ZDHHC17: variants seen among roughly 807,000 people sequenced by gnomAD.
ZDHHC17 encodes the protein palmitoyltransferase ZDHHC17.
Under a neutral mutation model 90.3 loss-of-function variants are expected in ZDHHC17, and 40 were observed. That is an observed-to-expected ratio of 0.44 (90% CI 0.34 to 0.58). The LOEUF is 0.58. Ranked by LOEUF, ZDHHC17 falls within the 20% of genes least tolerant of loss-of-function variation. The pLI, the probability that ZDHHC17 is intolerant of heterozygous loss-of-function variation, is 0.01. For missense variants in ZDHHC17, 614 were observed against 780.8 expected (o/e 0.79, Z 2.55); for synonymous variants, 235 against 252.4 (o/e 0.93, Z 0.65).
rs189783312 is a variant in ZDHHC17, at chr12:76,816,813, G to A, written c.771+794G>A. Among the ~76,000 whole-genome samples, 100 of 152,098 alleles carry A rather than the reference G, an allele frequency of 6.6e-4. 1 individual carries two copies. The highest frequency in any genetic ancestry group is 2.1e-3 in the African/African-American group (87 of 41,532). On this transcript the variant is annotated intron_variant, in intron 7 of 16. Transcript: ENST00000426126. Reference sequence around the variant, plus strand: ...AGGCTAGTTTTATGGAGCATAATTTGTTAAGCTTATCAATTTTTAGAAATA... The same window carrying A: ...AGGCTAGTTTTATGGAGCATAATTTATTAAGCTTATCAATTTTTAGAAATA...
chr12:76,848,087 A>G, intron 14 of ZDHHC17, 146 bp from the exon 15 acceptor site: 1 of 713,498 alleles, frequency 1.4e-6, no homozygotes, highest in Non-Finnish European at 2.2e-6. Context: ...AGGGTTATTT[A>G]AGAGTATAAA....
At chr12:76,791,673 T>G (rs1234721418) in intron 1 of ZDHHC17, among the ~76,000 whole-genome samples, 1 of 152,134 alleles carries the variant, frequency 6.6e-6, no homozygotes, top group Non-Finnish European at 1.5e-5. Context: ...ATACTATACA[T>G]CTGGGATTAG....
At chr12:76,836,295 T>C (rs894961794) in intron 10 of ZDHHC17, among the ~76,000 whole-genome samples, 5 of 151,818 alleles carry the variant, frequency 3.3e-5, no homozygotes, top group Admixed American at 6.6e-5. Flanking sequence ...GGAATTTGCT[T>C]TATGTTAAAG....
At chr12:76,819,660 G>A (rs113504049) in intron 7 of ZDHHC17, among the ~76,000 whole-genome samples, 4,474 of 151,946 alleles carry the variant, frequency 0.029, 128 homozygotes, top group African/African-American at 0.076. Context: ...ATAAACAAAC[G>A]TTCCTTTATC....
chr12:76,846,921 G>A (rs1953502313), intron 14 of ZDHHC17, among the ~76,000 whole-genome samples: 1 of 152,156 alleles, frequency 6.6e-6, no homozygotes, highest in Non-Finnish European at 1.5e-5. Flanking sequence ...AAACATATTG[G>A]TTTAATAGGC....
intron 1 of ZDHHC17, among the ~76,000 whole-genome samples, chr12:76,779,101 CAT>C (rs1274898515): frequency 6.6e-6 from 1 of 152,196 alleles, no homozygotes; most frequent in Non-Finnish European, 1.5e-5. Flanking sequence ...AGAGCTTCAA[CAT>C]ATGAGTTTCG....
chr12:76,770,494 A>G (rs1952479329), intron 1 of ZDHHC17, among the ~76,000 whole-genome samples: 2 of 152,236 alleles, frequency 1.3e-5, no homozygotes, highest in African/African-American at 4.8e-5. Context: ...GATTAACTGT[A>G]GACCTTCAGA....
Position 76,822,466 on chromosome 12 carries a change from C to G in ZDHHC17, c.832C>G (p.Gln278Glu), listed in dbSNP as rs1293043226. ...RKNVWMINHL[Q>E]EARQAKGYDN... Reference sequence around the variant, plus strand: ...AAATGTGTGGATGATCAACCACTTACAAGAGGCAAGGCAAGCAAAAGGATA... The same window carrying G: ...AAATGTGTGGATGATCAACCACTTAGAAGAGGCAAGGCAAGCAAAAGGATA... Residue 278 changes from glutamine (Q) to glutamate (E), a missense_variant, in exon 8 of 17, where the codon CAA becomes GAA. Gln to Glu is a conservative substitution (Grantham distance 29, BLOSUM62 2). This residue lies in a region of ZDHHC17 where 358 missense variants were observed against 380.4 expected (regional missense o/e 0.94). Coordinates refer to ENST00000426126, the MANE Select transcript of ZDHHC17 (RefSeq NM_015336.4). The G allele has an allele frequency of 3.1e-6, 5 of 1,612,392 alleles. No individual in the cohort carries two copies. The highest frequency in any genetic ancestry group is 4.2e-6 in the Non-Finnish European group (5 of 1,179,554).
At chr12:76,848,726 C>CT (rs1020203704) in intron 15 of ZDHHC17, among the ~76,000 whole-genome samples, 6 of 151,954 alleles carry the variant, frequency 3.9e-5, no homozygotes, top group Non-Finnish European at 8.8e-5. Context: ...ATTCAAAAGC[C>CT]TTTTTTTAAT....
At chr12:76,797,285 A>G (rs1007508604) in intron 1 of ZDHHC17, 149 bp from the exon 2 acceptor site, 33 of 450,114 alleles carry the variant, frequency 7.3e-5, no homozygotes, top group Middle Eastern at 6.5e-4. Flanking sequence ...AAATAAAATA[A>G]AAGAGTATAG....
At chr12:76,764,503 G>C (rs868818459) in intron 1 of ZDHHC17, 174 bp downstream of exon 1, 1 of 641,758 alleles carries the variant, frequency 1.6e-6, no homozygotes, top group Non-Finnish European at 2.7e-6. Flanking sequence ...CGGGGGAGGA[G>C]ATAGCGGGGC....
At chr12:76,823,231 A>G (rs1233897888) in intron 8 of ZDHHC17, among the ~76,000 whole-genome samples, 1 of 152,212 alleles carries the variant, frequency 6.6e-6, no homozygotes, top group Non-Finnish European at 1.5e-5. Flanking sequence ...TAGTTCTAAT[A>G]CATATCTTTT....
intron 8 of ZDHHC17, among the ~76,000 whole-genome samples, chr12:76,825,042 A>G (rs1389344194): frequency 6.6e-6 from 1 of 152,120 alleles, no homozygotes; most frequent in East Asian, 1.9e-4. Flanking sequence ...TTAAATTAGT[A>G]TTTAGAGGGG....
rs1953570553 is a variant in ZDHHC17 at position 76,851,782 on chromosome 12, A to G, written c.*797A>G. On this transcript the variant is annotated 3_prime_UTR_variant, in exon 17 of 17. Coordinates refer to ENST00000426126, the MANE Select transcript of ZDHHC17 (RefSeq NM_015336.4). ...TACTATCCAGTGAAGCATAAATTAGAATTTAATTTGATGTTCAAAAACAGT... is the reference window on the plus strand; with the variant it reads ...TACTATCCAGTGAAGCATAAATTAGGATTTAATTTGATGTTCAAAAACAGT... 1 of 152,768 alleles carries G rather than the reference A, an allele frequency of 6.5e-6. No homozygotes were observed. Among genetic ancestry groups the G allele is most frequent in the South Asian group, 2.1e-4 (1 of 4,828 alleles). The allele number at this position is 152,768 out of a possible 1,614,324, so 9.5% of individuals were successfully genotyped here. A position where few individuals can be genotyped will look rare whatever the true frequency, so the allele number is the denominator to read the frequency against.
chr12:76,783,714 T>A (rs1279048599), intron 1 of ZDHHC17, among the ~76,000 whole-genome samples: 1 of 152,266 alleles, frequency 6.6e-6, no homozygotes, highest in Non-Finnish European at 1.5e-5. Flanking sequence ...AACCTATAAA[T>A]GTTACCTTAT....
chr12:76,826,829 C>T, intron 8 of ZDHHC17, 79 bp from the exon 9 acceptor site: 3 of 1,406,158 alleles, frequency 2.1e-6, no homozygotes, highest in Non-Finnish European at 2.8e-6. Flanking sequence ...TGTTGCATGC[C>T]TTCACAAAGG....
chr12:76,787,888 CTA>C (rs1209051224), intron 1 of ZDHHC17, among the ~76,000 whole-genome samples: 2 of 152,178 alleles, frequency 1.3e-5, no homozygotes, highest in Non-Finnish European at 2.9e-5. Context: ...TCCGGATAAG[CTA>C]TGTTTTGCTG....
chr12:76,811,551 G>T (rs1592481251), intron 5 of ZDHHC17, among the ~76,000 whole-genome samples: 1 of 151,872 alleles, frequency 6.6e-6, no homozygotes, highest in East Asian at 1.9e-4. Context: ...CTACCTGTCA[G>T]TGCTTTTGGT....
rs550186349 is a variant in ZDHHC17, at chr12:76,803,536, G to A, written c.198-1781G>A. 2.6e-5 allele frequency among the ~76,000 whole-genome samples: 4 copies of A among 152,320 alleles called. No homozygotes were observed. The South Asian group carries it at 6.2e-4, about 24-fold the overall frequency. On this transcript the variant is annotated intron_variant, in intron 2 of 16. Transcript: ENST00000426126. ...AGCTCTCCATATACCCTGGGCTGAT[G>A]ATGTCTGGTGGTATTGTGGGAGAAG...
Sources: allele counts gnomAD v4.1 joint callset (sites outside exome capture counted in the v4.1 genomes callset), GRCh38; gene constraint gnomAD v4.1.1; regional missense constraint gnomAD v4.1.1; transcripts MANE v1.5; gene names NCBI Gene and HGNC (gene_info 2026-07-23, HGNC 2026-07-21).